Variants in TLK1 observed in about 807,000 individuals in gnomAD.
TLK1 encodes tousled like kinase 1.
A neutral mutation model predicts 105.3 loss-of-function variants in TLK1; 24 were observed. The observed-to-expected ratio is 0.23, with a 90% CI of 0.17 to 0.32. TLK1 has a LOEUF of 0.32. Ranked by LOEUF, TLK1 falls within the 10% of genes least tolerant of loss-of-function variation. The probability of loss-of-function intolerance (pLI) is 1.00; values close to 1 mark genes in which losing one functional copy is unlikely to be tolerated. For synonymous variants in TLK1, 321 were observed against 310.4 expected (o/e 1.03, Z -0.36); for missense variants, 558 against 910.5 (o/e 0.61, Z 4.98).
chr2:171,066,610 G>A (rs182384841), intron 3 of TLK1, among the ~76,000 whole-genome samples: 1 of 152,258 alleles, frequency 6.6e-6, no homozygotes, highest in East Asian at 1.9e-4. Context: ...TCCTCACATT[G>A]TGACTTCTTA....
intron 1 of TLK1, among the ~76,000 whole-genome samples, chr2:171,145,407 T>C (rs1691751779): frequency 6.6e-6 from 1 of 151,938 alleles, no homozygotes; most frequent in South Asian, 2.1e-4. Flanking sequence ...CTGGTCAACA[T>C]GGTGAAACCC....
intron 1 of TLK1, chr2:171,159,675 G>A (rs1052645771): frequency 2.0e-5 from 3 of 152,336 alleles, no homozygotes; most frequent in African/African-American, 4.8e-5. Flanking sequence ...GGTTTTAAAA[G>A]CCTGCCCACG....
intron 1 of TLK1, among the ~76,000 whole-genome samples, chr2:171,230,819 C>T (rs144977087): frequency 3.9e-4 from 60 of 152,228 alleles, no homozygotes; most frequent in Non-Finnish European, 5.3e-4. Context: ...AAAGCCAAGA[C>T]GCTAGCAACT....
chr2:171,151,606 C>G (rs1692040138), intron 1 of TLK1, among the ~76,000 whole-genome samples: 1 of 151,384 alleles, frequency 6.6e-6, no homozygotes, highest in African/African-American at 2.4e-5. Flanking sequence ...TCCCGAGTAG[C>G]TGGGACTACA....
chr2:171,004,014 G>A (rs988127468), intron 18 of TLK1, among the ~76,000 whole-genome samples: 8 of 152,030 alleles, frequency 5.3e-5, no homozygotes, highest in African/African-American at 1.9e-4. Context: ...GAGTGCAGTG[G>A]TATGATCTCA....
intron 1 of TLK1, among the ~76,000 whole-genome samples, chr2:171,170,080 A>C (rs1692698388): frequency 6.6e-6 from 1 of 152,206 alleles, no homozygotes; most frequent in Non-Finnish European, 1.5e-5. Context: ...TAACCATGAT[A>C]AGTTTAGTTA....
chr2:171,085,678 TGCAA>T (rs2105481322), intron 2 of TLK1, among the ~76,000 whole-genome samples: 1 of 152,260 alleles, frequency 6.6e-6, no homozygotes, highest in Admixed American at 6.5e-5. Flanking sequence ...TTACCAAAAA[TGCAA>T]GCAATTAGGG....
intron 1 of TLK1, among the ~76,000 whole-genome samples, chr2:171,140,978 T>TA (rs1209969540): frequency 6.6e-6 from 1 of 152,150 alleles, no homozygotes; most frequent in African/African-American, 2.4e-5. Context: ...AAGAACTCAG[T>TA]GTATGAGTCT....
chr2:171,032,144 A>G (rs1425448409), intron 11 of TLK1, among the ~76,000 whole-genome samples: 1 of 152,206 alleles, frequency 6.6e-6, no homozygotes, highest in Non-Finnish European at 1.5e-5. Context: ...ATCATAGTTA[A>G]TGGTGAAAAT....
At chr2:171,002,279 G>T (rs1449272050) in intron 18 of TLK1, among the ~76,000 whole-genome samples, 2 of 151,358 alleles carry the variant, frequency 1.3e-5, no homozygotes, top group Non-Finnish European at 2.9e-5. Context: ...TTACTTTTGA[G>T]ACAGAGTCTG....
intron 1 of TLK1, among the ~76,000 whole-genome samples, chr2:171,158,053 T>C (rs1032043755): frequency 3.3e-5 from 5 of 152,186 alleles, no homozygotes; most frequent in Non-Finnish European, 5.9e-5. Flanking sequence ...ACACTTAAAA[T>C]AAAAACTGAG....
intron 1 of TLK1, among the ~76,000 whole-genome samples, chr2:171,212,988 G>T (rs746785371): frequency 9.9e-5 from 15 of 151,664 alleles, no homozygotes; most frequent in Non-Finnish European, 2.1e-4. Flanking sequence ...TATGAAAAAA[G>T]TCATCTCCTT....
intron 1 of TLK1, among the ~76,000 whole-genome samples, chr2:171,139,289 C>CA (rs34721733): frequency 0.25 from 37,840 of 151,990 alleles, 4,949 homozygotes; most frequent in Middle Eastern, 0.34. Context: ...AGCCGGTTGC[C>CA]AAAAAAACTT....
intron 2 of TLK1, among the ~76,000 whole-genome samples, chr2:171,085,622 A>C (rs1688939954): frequency 6.6e-6 from 1 of 152,224 alleles, no homozygotes; most frequent in African/African-American, 2.4e-5. Flanking sequence ...AGTGTTTTAT[A>C]TTCAGTAAAA....
chr2:171,132,272 C>T (rs896203827), intron 1 of TLK1, among the ~76,000 whole-genome samples: 2 of 152,140 alleles, frequency 1.3e-5, no homozygotes, highest in Admixed American at 6.5e-5. Flanking sequence ...AACTCACTAT[C>T]GGGAGGAGAC....
chr2:171,175,877 C>T (rs928631642), intron 1 of TLK1, among the ~76,000 whole-genome samples: 1 of 152,036 alleles, frequency 6.6e-6, no homozygotes, highest in African/African-American at 2.4e-5. Context: ...ATCCAGGCCC[C>T]TTTTGTATCA....
Position 171,058,162 on chromosome 2 carries a change from C to T in TLK1, c.442G>A (p.Asp148Asn), listed in dbSNP as rs1433204129. The T allele has an allele frequency of 1.2e-6, 2 of 1,613,446 alleles. No homozygotes were observed. The highest frequency in any genetic ancestry group is 8.5e-7 in the Non-Finnish European group (1 of 1,179,544). ...SIGGRGHKISDYFEYQGGNGS... is the reference protein window; with the variant it reads ...SIGGRGHKISNYFEYQGGNGS... Reference sequence around the variant, plus strand: ...CTCAATGAACTTACTTCAAAATAGTCGCTAATTTTGTGGCCACGTCCCCCA... The same window carrying T: ...CTCAATGAACTTACTTCAAAATAGTTGCTAATTTTGTGGCCACGTCCCCCA... The change falls in exon 5 of 21, where the codon GAC becomes AAC. Residue 148 changes from aspartate to asparagine, a missense_variant. Transcript: ENST00000431350.
chr2:171,140,095 T>C (rs972585267), intron 1 of TLK1, among the ~76,000 whole-genome samples: 1 of 152,108 alleles, frequency 6.6e-6, no homozygotes, highest in African/African-American at 2.4e-5. Flanking sequence ...AGCCCTGGTG[T>C]TGTGGACCCG....
intron 9 of TLK1, 31 bp from the exon 10 acceptor site, chr2:171,049,981 T>C (rs756519315): frequency 1.9e-6 from 3 of 1,612,406 alleles, no homozygotes; most frequent in Admixed American, 1.7e-5. Flanking sequence ...CATCACTCAA[T>C]TGTATTCATT....
Sources: gnomAD v4.1 joint callset for allele counts (sites outside exome capture counted in the v4.1 genomes callset) on GRCh38, gnomAD v4.1.1 for gene constraint, MANE v1.5 for transcripts, NCBI Gene and HGNC (gene_info 2026-07-23, HGNC 2026-07-21) for gene names.